Variants in MBD2 observed in about 807,000 individuals in gnomAD.
MBD2 encodes methyl-CpG-binding domain protein 2.
A neutral mutation model predicts 39.3 loss-of-function variants in MBD2; 9 were observed. That is an observed-to-expected ratio of 0.23 (90% confidence interval 0.14 to 0.40). The LOEUF (loss-of-function observed/expected upper bound fraction) is 0.40. Ranked by LOEUF, MBD2 falls within the 10% of genes least tolerant of loss-of-function variation. The probability of loss-of-function intolerance (pLI) is 1.00; values close to 1 mark genes in which losing one functional copy is unlikely to be tolerated. For synonymous variants in MBD2, 233 were observed against 211.1 expected, an observed-to-expected ratio of 1.10 and a Z score of -0.90; for missense variants, 458 against 532.6, an observed-to-expected ratio of 0.86 and a Z score of 1.38.
intron 2 of MBD2, among the ~76,000 whole-genome samples, chr18:54,197,796 C>A (rs940392186): frequency 1.1e-4 from 17 of 152,218 alleles, no homozygotes; most frequent in African/African-American, 4.1e-4. Flanking sequence ...TTGCTCCTCA[C>A]TTCTACTTTT....
chr18:54,219,183 T>G (rs2086587689), intron 1 of MBD2, among the ~76,000 whole-genome samples: 1 of 152,204 alleles, frequency 6.6e-6, no homozygotes, highest in Admixed American at 6.5e-5. Context: ...CCATTTTCAC[T>G]GTATCTCTAA....
At chr18:54,181,781 G>T (rs930436260) in intron 3 of MBD2, among the ~76,000 whole-genome samples, 1 of 152,168 alleles carries the variant, frequency 6.6e-6, no homozygotes, top group Non-Finnish European at 1.5e-5. Flanking sequence ...TTACAGGTGT[G>T]GGCCACTGTG....
intron 3 of MBD2, among the ~76,000 whole-genome samples, chr18:54,188,322 T>C (rs577237858): frequency 6.6e-5 from 10 of 152,270 alleles, no homozygotes; most frequent in Admixed American, 5.2e-4. Flanking sequence ...TAAGAAAAGA[T>C]TCTGGTGGAA....
At position 54,174,904 on chromosome 18, in the gene MBD2, C is replaced by A. The variant is rs113015061; in HGVS notation, c.841-8738G>T. On this transcript the variant is annotated intron_variant, in intron 3 of 6. Coordinates refer to ENST00000256429, the MANE Select transcript of MBD2 (RefSeq NM_003927.5). The stretch of plus-strand genomic sequence containing the variant: ...CTGTCACTGACTACTGAGAAAGGCA[C>A]GGCTCCATTTAGAATGACTTTAAGT... Among the ~76,000 whole-genome samples, 825 of 152,278 alleles carry A rather than the reference C, an allele frequency of 5.4e-3. 10 individuals are homozygous for A. The highest frequency in any genetic ancestry group is 0.017 in the African/African-American group (710 of 41,550).
chr18:54,200,383 T>TA (rs1002747638), intron 2 of MBD2, among the ~76,000 whole-genome samples: 1 of 152,230 alleles, frequency 6.6e-6, no homozygotes, highest in African/African-American at 2.4e-5. Context: ...ATGTTAAGAC[T>TA]AGAAACACAA....
At chr18:54,166,889 A>T (rs1039620414) in intron 3 of MBD2, among the ~76,000 whole-genome samples, 2 of 152,180 alleles carry the variant, frequency 1.3e-5, no homozygotes, top group African/African-American at 2.4e-5. Context: ...AGGCAATTAT[A>T]GTTTTTATTT....
intron 3 of MBD2, among the ~76,000 whole-genome samples, chr18:54,169,303 C>T (rs2086161613): frequency 6.6e-6 from 1 of 152,184 alleles, no homozygotes; most frequent in African/African-American, 2.4e-5. Context: ...ATTAGCCCAC[C>T]CCCTTTCTAG....
intron 3 of MBD2, among the ~76,000 whole-genome samples, chr18:54,185,282 TAAGATCAAGTGG>T (rs922357716): frequency 2.6e-5 from 4 of 152,138 alleles, no homozygotes; most frequent in Admixed American, 2.0e-4. Context: ...GAAAAAAATC[TAAGATCAAGTGG>T]AAGATTCAAA....
intron 2 of MBD2, among the ~76,000 whole-genome samples, chr18:54,204,496 C>T (rs147583705): frequency 8.5e-5 from 13 of 152,260 alleles, no homozygotes; most frequent in Non-Finnish European, 1.8e-4. Context: ...ATCAACCAAA[C>T]AGCTCGATAA....
In MBD2 at chr18:54,154,007, G is replaced by A. The variant is rs1481071778; in HGVS notation, c.*1317C>T. ...AAACTGGAGGTAGTGGTAATAAAAT[G>A]TACAGGTGACACTCATGTGGAATTG... On this transcript the variant is annotated 3_prime_UTR_variant, in exon 7 of 7. Coordinates refer to ENST00000256429, the MANE Select transcript of MBD2 (RefSeq NM_003927.5). The A allele has an allele frequency of 3.3e-5, 5 of 152,162 alleles. No homozygotes were observed. The highest frequency in any genetic ancestry group is 5.9e-5 in the Non-Finnish European group (4 of 68,030). 9.4% of individuals were successfully genotyped at this position (152,162 alleles called of 1,614,324 possible).
At chr18:54,175,102 G>T (rs34992594) in intron 3 of MBD2, among the ~76,000 whole-genome samples, 1 of 152,112 alleles carries the variant, frequency 6.6e-6, no homozygotes, top group Admixed American at 6.5e-5. Flanking sequence ...TAGCTCTCAT[G>T]TATTGTCTTA....
intron 3 of MBD2, among the ~76,000 whole-genome samples, chr18:54,177,444 A>G (rs1217986627): frequency 6.6e-6 from 1 of 152,280 alleles, no homozygotes; most frequent in Middle Eastern, 3.4e-3. Context: ...GCGCTTAAGA[A>G]AAGCTTTCTT....
chr18:54,204,847 T>C, intron 2 of MBD2, 151 bp downstream of exon 2: 6 of 668,672 alleles, frequency 9.0e-6, no homozygotes, highest in African/African-American at 1.8e-5. Flanking sequence ...AATTTACTTA[T>C]GCTCTCTCTT....
chr18:54,174,744 G>C (rs1188281298), intron 3 of MBD2, among the ~76,000 whole-genome samples: 1 of 152,210 alleles, frequency 6.6e-6, no homozygotes, highest in East Asian at 1.9e-4. Flanking sequence ...GGAAGATGTA[G>C]AGTTCCAAAT....
intron 6 of MBD2, among the ~76,000 whole-genome samples, chr18:54,159,343 A>C (rs1383998001): frequency 6.6e-6 from 1 of 152,186 alleles, no homozygotes; most frequent in Admixed American, 6.5e-5. Flanking sequence ...GCACATGCAG[A>C]ACCCGAGCAG....
At chr18:54,211,096 C>T (rs1599107499) in intron 1 of MBD2, among the ~76,000 whole-genome samples, 1 of 151,648 alleles carries the variant, frequency 6.6e-6, no homozygotes, top group East Asian at 1.9e-4. Flanking sequence ...TGGTCTCGAT[C>T]TCCTGACCTC....
chr18:54,180,897 C>CTTTTTTTTTTTTTTTTTTT lies in MBD2; in HGVS notation c.840+7976_840+7977insAAAAAAAAAAAAAAAAAAA, dbSNP rs1211071727. On this transcript the variant is annotated intron_variant, in intron 3 of 6. Coordinates refer to ENST00000256429, the MANE Select transcript of MBD2 (RefSeq NM_003927.5). ...CAGCCTATGTATTCCTTAATTTTTTCTTTTTCTTTTTTTTTTTTTTTTTTT... is the reference window on the plus strand; with the variant it reads ...CAGCCTATGTATTCCTTAATTTTTTCTTTTTTTTTTTTTTTTTTTTTTTTCTTTTTTTTTTTTTTTTTTT... 6.5e-4 allele frequency among the ~76,000 whole-genome samples: 68 copies of CTTTTTTTTTTTTTTTTTTT among 105,346 alleles called. 5 individuals are homozygous for CTTTTTTTTTTTTTTTTTTT. The highest frequency in any genetic ancestry group is 9.6e-4 in the Non-Finnish European group (53 of 55,296). 69.1% of individuals were successfully genotyped at this position (105,346 alleles called of 152,430 possible).
intron 3 of MBD2, among the ~76,000 whole-genome samples, chr18:54,183,703 G>A (rs1042736403): frequency 2.0e-5 from 3 of 152,194 alleles, no homozygotes; most frequent in African/African-American, 7.2e-5. Context: ...CACACACAAT[G>A]CCAAGAAGTT....
At position 54,189,109 on chromosome 18, in the gene MBD2, T is replaced by C. The variant is rs1019595219; in HGVS notation, c.703-98A>G. On this transcript the variant is annotated intron_variant, in intron 2 of 6. Transcript: ENST00000256429. ...TATCTATTACTTTAAATCAAATTATTCCAAACTTCTCAGTCTATCGCAGCA... is the reference window on the plus strand; with the variant it reads ...TATCTATTACTTTAAATCAAATTATCCCAAACTTCTCAGTCTATCGCAGCA... The C allele has an allele frequency of 4.5e-4, 346 of 770,128 alleles. 2 individuals carry two copies. The highest frequency in any genetic ancestry group is 1.1e-4 in the African/African-American group (6 of 57,064). The allele number at this position is 770,128 out of a possible 1,614,324, so 47.7% of individuals were successfully genotyped here.
Sources: allele counts gnomAD v4.1 joint callset (sites outside exome capture counted in the v4.1 genomes callset), GRCh38; gene constraint gnomAD v4.1.1; transcripts MANE v1.5; gene names NCBI Gene and HGNC (gene_info 2026-07-23, HGNC 2026-07-21).